FSTL4: variants seen among roughly 807,000 people sequenced by gnomAD.
FSTL4 encodes follistatin like 4.
In FSTL4, 28 loss-of-function variants were observed where a neutral mutation model predicts 78.2. That is an observed-to-expected ratio of 0.36 (90% CI 0.27 to 0.49). FSTL4 has a LOEUF of 0.49. Among genes scored for constraint, FSTL4 ranks in the 20% least tolerant of loss-of-function variants. The probability of loss-of-function intolerance (pLI) is 0.98; values close to 1 mark genes in which losing one functional copy is unlikely to be tolerated. For synonymous variants in FSTL4, 422 were observed against 440.5 expected, an observed-to-expected ratio of 0.96 and a Z score of 0.53; for missense variants, 922 against 1,084.9, an observed-to-expected ratio of 0.85 and a Z score of 2.11.
At chr5:133,531,837 G>A (rs1418952255) in intron 3 of FSTL4, among the ~76,000 whole-genome samples, 6 of 152,148 alleles carry the variant, frequency 3.9e-5, no homozygotes, top group South Asian at 2.1e-4. Flanking sequence ...ATCCATCCCC[G>A]TAGGACACAA....
intron 3 of FSTL4, among the ~76,000 whole-genome samples, chr5:133,539,485 T>C (rs984910267): frequency 5.9e-5 from 9 of 152,128 alleles, no homozygotes; most frequent in African/African-American, 1.4e-4. Flanking sequence ...CACAGGCCCA[T>C]GCATAACAGT....
At chr5:133,296,449 A>G (rs965831687) in intron 6 of FSTL4, among the ~76,000 whole-genome samples, 1 of 152,158 alleles carries the variant, frequency 6.6e-6, no homozygotes, top group Admixed American at 6.5e-5. Flanking sequence ...AGTTTCACCC[A>G]TTGTGAAAAC....
chr5:133,293,150 A>T (rs910899102), intron 6 of FSTL4, among the ~76,000 whole-genome samples: 2 of 152,202 alleles, frequency 1.3e-5, no homozygotes, highest in Non-Finnish European at 2.9e-5. Context: ...TAAGAAGGAG[A>T]GGCAGGCGGC....
At chr5:133,737,785 A>T in the FSTL4 span, among the ~76,000 whole-genome samples, 1 of 151,824 alleles carries the variant, frequency 6.6e-6, no homozygotes, top group South Asian at 2.1e-4. Flanking sequence ...TTGTATTTTT[A>T]GTAGAGACGG....
At chr5:133,807,873 C>T in the FSTL4 span, among the ~76,000 whole-genome samples, 3 of 152,200 alleles carry the variant, frequency 2.0e-5, no homozygotes, top group African/African-American at 4.8e-5. Context: ...TACGATGGTG[C>T]CTTCTGGGAG....
intron 2 of FSTL4, among the ~76,000 whole-genome samples, chr5:133,572,279 T>C (rs1272103928): frequency 6.6e-6 from 1 of 152,226 alleles, no homozygotes; most frequent in Non-Finnish European, 1.5e-5. Flanking sequence ...TTAATTTTTT[T>C]AACTTTTATT....
chr5:133,521,166 G>A (rs920951621), intron 3 of FSTL4, among the ~76,000 whole-genome samples: 26 of 152,210 alleles, frequency 1.7e-4, no homozygotes, highest in African/African-American at 5.1e-4. Flanking sequence ...CAGCAGCAGG[G>A]GGAAAACATG....
At chr5:133,445,205 C>T (rs576958164) in intron 3 of FSTL4, among the ~76,000 whole-genome samples, 6 of 152,232 alleles carry the variant, frequency 3.9e-5, no homozygotes, top group Admixed American at 2.0e-4. Context: ...TTTCAAAAAT[C>T]GAGAAGCAGA....
At chr5:133,798,489 G>A in the FSTL4 span, among the ~76,000 whole-genome samples, 18 of 150,584 alleles carry the variant, frequency 1.2e-4, no homozygotes, top group Non-Finnish European at 2.5e-4. Flanking sequence ...TGTTAGCTAA[G>A]CTGTAAGACT....
chr5:133,480,648 C>T (rs2112857669), intron 3 of FSTL4, among the ~76,000 whole-genome samples: 1 of 152,092 alleles, frequency 6.6e-6, no homozygotes, highest in Middle Eastern at 3.4e-3. Context: ...GCGGTGGGAG[C>T]CAGGATCTCC....
the FSTL4 span, among the ~76,000 whole-genome samples, chr5:133,702,128 A>G: frequency 6.6e-6 from 1 of 152,216 alleles, no homozygotes; most frequent in Non-Finnish European, 1.5e-5. Context: ...AGCACACATC[A>G]CTGCAATCTG....
intron 7 of FSTL4, 40 bp from the exon 8 acceptor site, chr5:133,233,577 T>C (rs1581553015): frequency 2.1e-5 from 34 of 1,609,560 alleles, no homozygotes; most frequent in Non-Finnish European, 2.7e-5. Context: ...GGCCTCTTTA[T>C]TGAACGGGCT....
At chr5:133,732,383 G>C in the FSTL4 span, among the ~76,000 whole-genome samples, 29 of 152,166 alleles carry the variant, frequency 1.9e-4, no homozygotes, top group African/African-American at 6.8e-4. Flanking sequence ...GGCAGAACCA[G>C]AGGGCTGGAG....
intron 4 of FSTL4, chr5:133,334,156 A>T (rs1025552032): frequency 6.6e-6 from 1 of 152,264 alleles, no homozygotes; most frequent in Non-Finnish European, 1.5e-5. Flanking sequence ...ATTGCAGCCG[A>T]GTTCCAAACT....
At chr5:133,516,487 T>C (rs1166973552) in intron 3 of FSTL4, among the ~76,000 whole-genome samples, 1 of 152,138 alleles carries the variant, frequency 6.6e-6, no homozygotes, top group African/African-American at 2.4e-5. Context: ...AGAAATTTAT[T>C]GAGAAAAACA....
the FSTL4 span, among the ~76,000 whole-genome samples, chr5:133,761,840 G>A: frequency 2.6e-5 from 4 of 152,140 alleles, no homozygotes; most frequent in Non-Finnish European, 5.9e-5. Flanking sequence ...CATCACACCA[G>A]TCATTTCTAG....
chr5:133,256,332 G>A (rs1196213554), intron 6 of FSTL4, among the ~76,000 whole-genome samples: 1 of 152,220 alleles, frequency 6.6e-6, no homozygotes, highest in African/African-American at 2.4e-5. Flanking sequence ...CTGGGGCATT[G>A]GAGTGACAAA....
chr5:133,778,465 C>G, the FSTL4 span, among the ~76,000 whole-genome samples: 1 of 152,190 alleles, frequency 6.6e-6, no homozygotes, highest in Admixed American at 6.5e-5. Context: ...GAAACATTAT[C>G]TTTCTTTGCA....
chr5:133,291,754 T>C (rs1429509396), intron 6 of FSTL4, among the ~76,000 whole-genome samples: 2 of 151,966 alleles, frequency 1.3e-5, no homozygotes, highest in Non-Finnish European at 2.9e-5. Context: ...TCAGTTCCTG[T>C]ACAGGTGTAG....
Sources: allele counts gnomAD v4.1 joint callset (sites outside exome capture counted in the v4.1 genomes callset), GRCh38; gene constraint gnomAD v4.1.1; transcripts MANE v1.5; gene names NCBI Gene and HGNC (gene_info 2026-07-23, HGNC 2026-07-21).